B3GALT1: variants seen among roughly 807,000 people sequenced by gnomAD.
B3GALT1 encodes the protein beta-1,3-galactosyltransferase 1.
B3GALT1 carries 10 observed loss-of-function variants against 23.2 expected under a neutral mutation model. That is an observed-to-expected ratio of 0.43 (90% CI 0.27 to 0.73). The LOEUF (loss-of-function observed/expected upper bound fraction) is 0.73. Among genes scored for constraint, B3GALT1 ranks in the 30% least tolerant of loss-of-function variants. B3GALT1 has a pLI of 0.21. For missense variants in B3GALT1, 299 were observed against 405.4 expected, an observed-to-expected ratio of 0.74 and a Z score of 2.25; for synonymous variants, 156 against 141.5, an observed-to-expected ratio of 1.10 and a Z score of -0.73.
chr2:167,498,682 T>A (rs971861566), intron 2 of B3GALT1, among the ~76,000 whole-genome samples: 1 of 152,162 alleles, frequency 6.6e-6, no homozygotes, highest in Non-Finnish European at 1.5e-5. Flanking sequence ...AAAGTTGATG[T>A]GATAGATGGT....
intron 3 of B3GALT1, among the ~76,000 whole-genome samples, chr2:167,717,396 C>T (rs1267256231): frequency 6.6e-6 from 1 of 151,844 alleles, no homozygotes; most frequent in Non-Finnish European, 1.5e-5. Flanking sequence ...CCCATTAACT[C>T]GTCATTTAGC....
At chr2:167,842,990 A>T (rs78778756) in intron 4 of B3GALT1, among the ~76,000 whole-genome samples, 1,988 of 152,286 alleles carry the variant, frequency 0.013, 37 homozygotes, top group African/African-American at 0.045. Flanking sequence ...CTCATGTTGA[A>T]GCTGAAGAAA....
chr2:167,708,835 T>G (rs1025968544), intron 3 of B3GALT1, among the ~76,000 whole-genome samples: 2 of 152,100 alleles, frequency 1.3e-5, no homozygotes, highest in Non-Finnish European at 2.9e-5. Context: ...GCAAGAGGAA[T>G]GGAGAGAGAG....
chr2:167,771,903 G>A (rs1238831202), intron 3 of B3GALT1, among the ~76,000 whole-genome samples: 1 of 152,214 alleles, frequency 6.6e-6, no homozygotes, highest in African/African-American at 2.4e-5. Context: ...TCAGGGCCAG[G>A]AAGCAGATAC....
intron 3 of B3GALT1, among the ~76,000 whole-genome samples, chr2:167,812,532 A>G (rs1374613512): frequency 6.6e-6 from 1 of 152,190 alleles, no homozygotes; most frequent in Non-Finnish European, 1.5e-5. Context: ...CAATTAGAAC[A>G]TTTATATTCC....
rs145898751 is a variant in B3GALT1 at position 167,701,850 on chromosome 2, C to T, written c.-352+54884C>T. 5.3e-5 allele frequency among the ~76,000 whole-genome samples: 8 copies of T among 152,220 alleles called. No individual in the cohort carries two copies. The East Asian group carries it at 1.5e-3, about 29-fold the overall frequency. On this transcript the variant is annotated intron_variant, in intron 3 of 4. Transcript: ENST00000392690. ...GCAGCCATCAACATGCTACATCAAG[C>T]GTCTTTCAAGTCCTTTGTGAGCTCT... is the stretch of plus-strand genomic sequence containing the variant.
chr2:167,693,022 C>G (rs1686738134), intron 3 of B3GALT1, among the ~76,000 whole-genome samples: 1 of 151,380 alleles, frequency 6.6e-6, no homozygotes, highest in African/African-American at 2.4e-5. Flanking sequence ...AAAATTATAG[C>G]CCTTGAGGAA....
chr2:167,302,966 T>A (rs1251881921), intron 1 of B3GALT1, among the ~76,000 whole-genome samples: 1 of 152,198 alleles, frequency 6.6e-6, no homozygotes, highest in Non-Finnish European at 1.5e-5. Context: ...TCTAAAAGCA[T>A]AAATACGTTA....
At chr2:167,679,490 G>C (rs1293138267) in intron 3 of B3GALT1, among the ~76,000 whole-genome samples, 2 of 152,266 alleles carry the variant, frequency 1.3e-5, no homozygotes, top group Non-Finnish European at 2.9e-5. Flanking sequence ...CTGACCTCAG[G>C]TGATCCGCCC....
At chr2:167,564,234 G>C (rs1250383620) in intron 2 of B3GALT1, among the ~76,000 whole-genome samples, 1 of 150,782 alleles carries the variant, frequency 6.6e-6, no homozygotes, top group Non-Finnish European at 1.5e-5. Context: ...GGGGCGGCAG[G>C]GCAGAGGCGC....
chr2:167,655,991 G>A (rs919010095), intron 3 of B3GALT1, among the ~76,000 whole-genome samples: 2 of 152,182 alleles, frequency 1.3e-5, no homozygotes, highest in African/African-American at 2.4e-5. Flanking sequence ...TATTCCATAC[G>A]TTGTGTCAGC....
chr2:167,598,980 C>G (rs188363248), intron 2 of B3GALT1, among the ~76,000 whole-genome samples: 2 of 152,258 alleles, frequency 1.3e-5, no homozygotes, highest in Non-Finnish European at 2.9e-5. Flanking sequence ...ATCACAGAAT[C>G]ATAGACTTCC....
At chr2:167,494,511 CA>C (rs767181937) in intron 2 of B3GALT1, among the ~76,000 whole-genome samples, 3 of 151,780 alleles carry the variant, frequency 2.0e-5, no homozygotes, top group Non-Finnish European at 4.4e-5. Flanking sequence ...AAAACTATGT[CA>C]AAGAAAAATG....
chr2:167,718,520 A>G (rs1687186000), intron 3 of B3GALT1, among the ~76,000 whole-genome samples: 1 of 152,242 alleles, frequency 6.6e-6, no homozygotes, highest in South Asian at 2.1e-4. Flanking sequence ...ACCAGTTGCT[A>G]GGTTCATGGC....
chr2:167,369,061 TTGTG>T lies in B3GALT1; in HGVS notation c.-511+75771_-511+75774del, dbSNP rs60938716. On this transcript the variant is annotated intron_variant, in intron 1 of 4. Coordinates refer to ENST00000392690, the MANE Select transcript of B3GALT1 (RefSeq NM_020981.4). ...TGTATTGGGAAGATAAAACTCTTAT[TTGTG>T]TGTGTGTGTGTGTGTGTGTGTGTGT... is the stretch of plus-strand genomic sequence containing the variant. 2.8e-3 allele frequency among the ~76,000 whole-genome samples: 408 copies of T among 147,564 alleles called. 1 individual carries two copies. Among genetic ancestry groups the T allele is most frequent in the African/African-American group, 7.0e-3 (276 of 39,206 alleles).
At chr2:167,438,261 GA>G (rs1488273560) in intron 1 of B3GALT1, among the ~76,000 whole-genome samples, 1 of 152,198 alleles carries the variant, frequency 6.6e-6, no homozygotes, top group Non-Finnish European at 1.5e-5. Flanking sequence ...TATTTTAAGA[GA>G]GGTTTCAAAG....
intron 3 of B3GALT1, among the ~76,000 whole-genome samples, chr2:167,806,743 C>T (rs901812783): frequency 3.9e-5 from 6 of 152,062 alleles, no homozygotes; most frequent in Admixed American, 1.3e-4. Flanking sequence ...ATTTTTGCAT[C>T]GATGTACATC....
chr2:167,469,684 A>T (rs1699398116), intron 1 of B3GALT1, among the ~76,000 whole-genome samples: 1 of 152,196 alleles, frequency 6.6e-6, no homozygotes. Flanking sequence ...TTATATAAAC[A>T]ACTTTGATAA....
At chr2:167,843,373 C>T (rs1319982019) in intron 4 of B3GALT1, among the ~76,000 whole-genome samples, 1 of 152,172 alleles carries the variant, frequency 6.6e-6, no homozygotes, top group Non-Finnish European at 1.5e-5. Context: ...CAGACTCCAT[C>T]ATGCCACACT....
Sources: allele counts gnomAD v4.1 joint callset (sites outside exome capture counted in the v4.1 genomes callset), GRCh38; gene constraint gnomAD v4.1.1; transcripts MANE v1.5; gene names NCBI Gene and HGNC (gene_info 2026-07-23, HGNC 2026-07-21).